Variants in NELL1 observed in about 807,000 individuals in gnomAD.
The protein encoded by NELL1 is neural EGFL like 1, also known as protein kinase C-binding protein NELL1.
In NELL1, 76 loss-of-function variants were observed where a neutral mutation model predicts 107.4. The ratio of observed to expected loss-of-function variants is 0.71; its 90% CI spans 0.59 to 0.86. The LOEUF (loss-of-function observed/expected upper bound fraction) is 0.86, where lower values mean the gene tolerates loss of function less well. Ranked by LOEUF, NELL1 falls within the 40% of genes least tolerant of loss-of-function variation. The pLI is 0.00. For synonymous variants in NELL1, 353 were observed against 341.2 expected (o/e 1.03, Z -0.38); for missense variants, 1,024 against 1,005.5 (o/e 1.02, Z -0.25).
intron 13 of NELL1, among the ~76,000 whole-genome samples, chr11:21,202,763 G>A (rs1857298923): frequency 6.6e-6 from 1 of 152,182 alleles, no homozygotes; most frequent in South Asian, 2.1e-4. Context: ...TGGGCATTTA[G>A]TGGTATAAAT....
At chr11:20,690,506 G>A (rs1854434773) in intron 2 of NELL1, among the ~76,000 whole-genome samples, 2 of 149,844 alleles carry the variant, frequency 1.3e-5, no homozygotes, top group South Asian at 4.2e-4. Flanking sequence ...CATATGGCTA[G>A]CCAGTTTTCC....
At chr11:21,081,320 C>T (rs1854263706) in intron 12 of NELL1, among the ~76,000 whole-genome samples, 1 of 152,070 alleles carries the variant, frequency 6.6e-6, no homozygotes, top group Non-Finnish European at 1.5e-5. Flanking sequence ...TCTTTGCAGG[C>T]TCCTGTTCTA....
chr11:21,408,812 C>CA (rs1156638309), intron 15 of NELL1, among the ~76,000 whole-genome samples: 1 of 151,728 alleles, frequency 6.6e-6, no homozygotes, highest in Non-Finnish European at 1.5e-5. Flanking sequence ...TTTATGCAGC[C>CA]AAAAAACACA....
chr11:20,997,481 G>GA (rs1852116814), intron 12 of NELL1, among the ~76,000 whole-genome samples: 1 of 152,078 alleles, frequency 6.6e-6, no homozygotes, highest in African/African-American at 2.4e-5. Context: ...GGGCATTAGT[G>GA]AAAAAAATCT....
intron 14 of NELL1, among the ~76,000 whole-genome samples, chr11:21,273,643 C>A (rs1027247791): frequency 6.6e-6 from 1 of 152,186 alleles, no homozygotes; most frequent in African/African-American, 2.4e-5. Context: ...ATGTTAAGGG[C>A]AGCCAGAGAG....
At chr11:20,782,791 C>T (rs779420155) in intron 2 of NELL1, among the ~76,000 whole-genome samples, 1 of 152,132 alleles carries the variant, frequency 6.6e-6, no homozygotes, top group Non-Finnish European at 1.5e-5. Flanking sequence ...TAACTTTGCT[C>T]CCTTAGTGCC....
chr11:20,697,056 A>G (rs1854637391), intron 2 of NELL1, among the ~76,000 whole-genome samples: 2 of 152,182 alleles, frequency 1.3e-5, no homozygotes. Context: ...CTATGTATAG[A>G]AAAACCTCTA....
intron 12 of NELL1, among the ~76,000 whole-genome samples, chr11:21,098,389 G>T (rs1854707083): frequency 6.6e-6 from 1 of 152,100 alleles, no homozygotes; most frequent in African/African-American, 2.4e-5. Context: ...ACGGTGAAAG[G>T]CATGGCCAAG....
At chr11:20,891,071 G>A (rs562098334) in intron 5 of NELL1, among the ~76,000 whole-genome samples, 1 of 152,074 alleles carries the variant, frequency 6.6e-6, no homozygotes, top group Non-Finnish European at 1.5e-5. Context: ...GCTTCACGAA[G>A]GTTGAAATGA....
intron 11 of NELL1, among the ~76,000 whole-genome samples, chr11:20,958,137 G>T (rs1049135921): frequency 6.6e-6 from 1 of 152,050 alleles, no homozygotes; most frequent in Non-Finnish European, 1.5e-5. Context: ...CCCCAACAAG[G>T]CTGGGTGTGG....
intron 18 of NELL1, among the ~76,000 whole-genome samples, chr11:21,571,629 G>T (rs2134014312): frequency 6.6e-6 from 1 of 151,768 alleles, no homozygotes; most frequent in South Asian, 2.1e-4. Context: ...TGTTTAAAAA[G>T]GAAAAAATGA....
chr11:20,814,890 G>GTGAC (rs1281261200), intron 3 of NELL1, among the ~76,000 whole-genome samples: 1 of 152,170 alleles, frequency 6.6e-6, no homozygotes, highest in Admixed American at 6.5e-5. Context: ...GCTTTACACA[G>GTGAC]TGACTGAACT....
chr11:21,402,345 T>C (rs1247175889), intron 15 of NELL1, among the ~76,000 whole-genome samples: 1 of 151,776 alleles, frequency 6.6e-6, no homozygotes, highest in Non-Finnish European at 1.5e-5. Context: ...AGGAAAACAT[T>C]GAAGATTTAA....
At chr11:20,759,622 G>C (rs1856375655) in intron 2 of NELL1, among the ~76,000 whole-genome samples, 1 of 152,188 alleles carries the variant, frequency 6.6e-6, no homozygotes, top group African/African-American at 2.4e-5. Flanking sequence ...CACTGGGCAG[G>C]TTGTTCTCTC....
intron 15 of NELL1, among the ~76,000 whole-genome samples, chr11:21,384,633 TC>T (rs1299680611): frequency 6.6e-6 from 1 of 151,922 alleles, no homozygotes; most frequent in East Asian, 2.0e-4. Flanking sequence ...AGTGTGATGT[TC>T]CCCTTCCTGT....
At chr11:21,565,757 T>A (rs1276954898) in intron 17 of NELL1, among the ~76,000 whole-genome samples, 3 of 152,102 alleles carry the variant, frequency 2.0e-5, no homozygotes, top group South Asian at 2.1e-4. Flanking sequence ...GGAAAAGGCA[T>A]TTGCCTCTCT....
intron 3 of NELL1, among the ~76,000 whole-genome samples, chr11:20,787,815 A>T (rs1856998072): frequency 6.6e-6 from 1 of 152,214 alleles, no homozygotes; most frequent in African/African-American, 2.4e-5. Flanking sequence ...AGAAATGCTC[A>T]TTACCCTCAA....
intron 13 of NELL1, among the ~76,000 whole-genome samples, chr11:21,147,836 CAAAAAAAAAA>C (rs35688285): frequency 7.6e-4 from 22 of 28,806 alleles, no homozygotes; most frequent in Admixed American, 3.0e-3. Context: ...AACTCCGTCT[CAAAAAAAAAA>C]AAAAAAAAAA....
chr11:21,425,703 T>C (rs1445826315), intron 15 of NELL1, among the ~76,000 whole-genome samples: 1 of 152,182 alleles, frequency 6.6e-6, no homozygotes, highest in Non-Finnish European at 1.5e-5. Flanking sequence ...TGTAAGGTGA[T>C]AGATTTGTGT....
Sources: gnomAD v4.1 joint callset for allele counts (sites outside exome capture counted in the v4.1 genomes callset) on GRCh38, gnomAD v4.1.1 for gene constraint, MANE v1.5 for transcripts, NCBI Gene and HGNC (gene_info 2026-07-23, HGNC 2026-07-21) for gene names.